The following ECM2 variants were observed in gnomAD, a reference collection of about 807,000 sequenced individuals.
ECM2 encodes extracellular matrix protein 2.
ECM2 carries 57 observed loss-of-function variants against 67.5 expected under a neutral mutation model. The observed-to-expected ratio is 0.84, with a 90% confidence interval of 0.68 to 1.05. ECM2 has a LOEUF of 1.05. Among genes scored for constraint, ECM2 ranks in the 50% least tolerant of loss-of-function variants. The probability of loss-of-function intolerance (pLI) is 0.00; values close to 1 mark genes in which losing one functional copy is unlikely to be tolerated. For synonymous variants in ECM2, 258 were observed against 294.5 expected (o/e 0.88, Z 1.27); for missense variants, 741 against 822.8 (o/e 0.90, Z 1.22).
intron 9 of ECM2, among the ~76,000 whole-genome samples, chr9:92,497,858 A>G (rs1373413390): frequency 5.7e-5 from 8 of 139,374 alleles, no homozygotes; most frequent in Non-Finnish European, 9.1e-5. Context: ...ATTAATTCCC[A>G]TAAGAGCTGG....
intron 7 of ECM2, among the ~76,000 whole-genome samples, chr9:92,504,169 C>T (rs1846852402): frequency 6.6e-6 from 1 of 151,960 alleles, no homozygotes; most frequent in African/African-American, 2.4e-5. Flanking sequence ...ATTTCTGGCC[C>T]TGTCCCACAA....
chr9:92,555,038 T>G, the ECM2 span, among the ~76,000 whole-genome samples: 1 of 151,416 alleles, frequency 6.6e-6, no homozygotes, highest in Non-Finnish European at 1.5e-5. Flanking sequence ...TTGTTGTTGT[T>G]GTGTCCTTTC....
chr9:92,544,013 G>C, the ECM2 span, among the ~76,000 whole-genome samples: 1 of 152,082 alleles, frequency 6.6e-6, no homozygotes, highest in Admixed American at 6.5e-5. Context: ...TTCCATTTTA[G>C]ATATTTTTTA....
At chr9:92,516,520 G>A (rs1017026283) in intron 3 of ECM2, among the ~76,000 whole-genome samples, 2 of 152,174 alleles carry the variant, frequency 1.3e-5, no homozygotes, top group Non-Finnish European at 2.9e-5. Flanking sequence ...GTATTATAAA[G>A]TCTGTGAATT....
rs1187329138 is a variant in ECM2 at position 92,500,994 on chromosome 9, G to A, written c.1664C>T (p.Pro555Leu). The A allele has an allele frequency of 6.2e-7, 1 of 1,614,030 alleles. No individual in the cohort carries two copies. Among genetic ancestry groups the A allele is most frequent in the African/African-American group, 1.3e-5 (1 of 74,902 alleles). The stretch of plus-strand genomic sequence containing the variant: ...GAGTACTAGGTGCAGCAAGGACTTG[G>A]GTAGATAGGACGGGACGTGATAGAG... ...NKLYHVPSYL[P>L]KSLLHLVLLG... is the part of the protein sequence containing the mutation. Residue 555 changes from proline to leucine, a missense_variant, in exon 9 of 10, where the codon CCC (proline) becomes CTC (leucine). Transcript: ENST00000344604.
At chr9:92,526,296 A>G (rs535579518) in intron 1 of ECM2, among the ~76,000 whole-genome samples, 1 of 152,376 alleles carries the variant, frequency 6.6e-6, no homozygotes, top group East Asian at 1.9e-4. Context: ...CTATAAAGAA[A>G]GAAAATATTT....
At chr9:92,528,220 C>A (rs1370081109) in intron 1 of ECM2, among the ~76,000 whole-genome samples, 1 of 152,160 alleles carries the variant, frequency 6.6e-6, no homozygotes, top group Non-Finnish European at 1.5e-5. Context: ...AAAGAGCAGT[C>A]CAGGCCAGTG....
chr9:92,528,259 C>T (rs1214423591), intron 1 of ECM2, among the ~76,000 whole-genome samples: 1 of 152,152 alleles, frequency 6.6e-6, no homozygotes, highest in Non-Finnish European at 1.5e-5. Context: ...AAATCAAATG[C>T]CCGGAGAGAC....
chr9:92,515,782 C>T (rs1015247066), intron 3 of ECM2, among the ~76,000 whole-genome samples: 3 of 152,172 alleles, frequency 2.0e-5, no homozygotes, highest in Non-Finnish European at 2.9e-5. Flanking sequence ...AGTTTTCCTC[C>T]TTCTCTGTCC....
intron 5 of ECM2, among the ~76,000 whole-genome samples, chr9:92,510,984 G>GC (rs2131190093): frequency 6.6e-6 from 1 of 152,296 alleles, no homozygotes; most frequent in Admixed American, 6.5e-5. Context: ...CCAGAAGACT[G>GC]CCCAAGGGAG....
intron 1 of ECM2, among the ~76,000 whole-genome samples, chr9:92,527,053 G>A (rs943994922): frequency 6.6e-6 from 1 of 152,166 alleles, no homozygotes; most frequent in Admixed American, 6.6e-5. Flanking sequence ...CTGCCACCCA[G>A]GCTGGAGTGC....
At chr9:92,552,216 C>CACACACACA in the ECM2 span, among the ~76,000 whole-genome samples, 3 of 146,652 alleles carry the variant, frequency 2.0e-5, no homozygotes, top group Non-Finnish European at 3.0e-5. Context: ...CACACACACA[C>CACACACACA]CCCACAGTTT....
At chr9:92,546,118 G>T in the ECM2 span, among the ~76,000 whole-genome samples, 1 of 152,134 alleles carries the variant, frequency 6.6e-6, no homozygotes, top group Non-Finnish European at 1.5e-5. Flanking sequence ...AGTGCTCTGT[G>T]TCTAGCTAAT....
At chr9:92,528,600 G>A (rs1848558163) in intron 1 of ECM2, among the ~76,000 whole-genome samples, 1 of 151,962 alleles carries the variant, frequency 6.6e-6, no homozygotes, top group South Asian at 2.1e-4. Flanking sequence ...AAAAGACCAG[G>A]AAGAGTTTGT....
At chr9:92,532,015 G>GTTTTTTTTTATTTATTT (rs1848800192) in intron 1 of ECM2, among the ~76,000 whole-genome samples, 1 of 95,736 alleles carries the variant, frequency 1.0e-5, no homozygotes, top group Non-Finnish European at 1.9e-5. Context: ...TTTATTTAAT[G>GTTTTTTTTTATTTATTT]TTTTTTTTTT....
chr9:92,531,102 A>C (rs1467588329), intron 1 of ECM2, among the ~76,000 whole-genome samples: 1 of 152,104 alleles, frequency 6.6e-6, no homozygotes, highest in African/African-American at 2.4e-5. Context: ...TTTAATTGGA[A>C]CATTTAGGCT....
intron 4 of ECM2, among the ~76,000 whole-genome samples, chr9:92,513,314 T>C (rs1847474580): frequency 6.6e-6 from 1 of 152,102 alleles, no homozygotes; most frequent in Admixed American, 6.5e-5. Flanking sequence ...CAGTACCAAG[T>C]GCGGGCAGGC....
At chr9:92,512,880 A>G (rs771732073) in intron 4 of ECM2, among the ~76,000 whole-genome samples, 2 of 152,198 alleles carry the variant, frequency 1.3e-5, no homozygotes, top group Non-Finnish European at 1.5e-5. Flanking sequence ...TTCTTAGGGC[A>G]GAGCATACCT....
intron 4 of ECM2, 141 bp downstream of exon 4, chr9:92,514,490 G>A (rs1847559073): frequency 8.8e-7 from 1 of 1,135,518 alleles, no homozygotes; most frequent in African/African-American, 1.6e-5. Context: ...GTCCAGGCTG[G>A]TCTCAAACCC....
Sources: allele counts gnomAD v4.1 joint callset (sites outside exome capture counted in the v4.1 genomes callset), GRCh38; gene constraint gnomAD v4.1.1; transcripts MANE v1.5; gene names NCBI Gene and HGNC (gene_info 2026-07-23, HGNC 2026-07-21).